Variants in ERBB4 observed in about 807,000 individuals in gnomAD.
The protein encoded by ERBB4 is receptor tyrosine-protein kinase erbB-4.
A neutral mutation model predicts 158.0 loss-of-function variants in ERBB4; 42 were observed. That is an observed-to-expected ratio of 0.27 (90% confidence interval 0.21 to 0.34). ERBB4 has a LOEUF of 0.34. Among genes scored for constraint, ERBB4 ranks in the 10% least tolerant of loss-of-function variants. ERBB4 has a pLI of 1.00. For missense variants in ERBB4, 1,333 were observed against 1,624.1 expected, an observed-to-expected ratio of 0.82 and a Z score of 3.08; for synonymous variants, 583 against 558.7, an observed-to-expected ratio of 1.04 and a Z score of -0.61.
At position 212,436,175 on chromosome 2, in the gene ERBB4, C is replaced by A. The variant is rs370839266; in HGVS notation, c.82+102274G>T. ...AGAATAAGTTTCTAGTCAACACTGT[C>A]AGCCATATAAACAGGACATGGTAAA... On this transcript the variant is annotated intron_variant, in intron 1 of 27. Transcript: ENST00000342788. Among the ~76,000 whole-genome samples, 12 of 152,056 alleles carry A rather than the reference C, an allele frequency of 7.9e-5. No homozygotes were observed. In the East Asian group the frequency reaches 1.7e-3, roughly 22 times the overall value.
intron 16 of ERBB4, among the ~76,000 whole-genome samples, chr2:211,652,144 T>C (rs1487835004): frequency 6.6e-6 from 1 of 152,162 alleles, no homozygotes; most frequent in Non-Finnish European, 1.5e-5. Context: ...ACTTTAACTG[T>C]ATGAACAGTA....
Position 212,201,859 on chromosome 2 carries a change from G to A in ERBB4, c.83-76956C>T, listed in dbSNP as rs528254396. Among the ~76,000 whole-genome samples the A allele has an allele frequency of 2.6e-5, 4 of 152,212 alleles. No homozygotes were observed. In the South Asian group the frequency reaches 8.3e-4, roughly 32 times the overall value. ...AACTGCCATGACTACCATAAGCTTA[G>A]TCATATAGCCCTACTATTATTCCTT... On this transcript the variant is annotated intron_variant, in intron 1 of 27. Coordinates refer to ENST00000342788, the MANE Select transcript of ERBB4 (RefSeq NM_005235.3).
chr2:211,771,065 A>G (rs1309201950), intron 4 of ERBB4, among the ~76,000 whole-genome samples: 1 of 152,188 alleles, frequency 6.6e-6, no homozygotes, highest in African/African-American at 2.4e-5. Context: ...ACCATCATAG[A>G]AATCTTATGC....
At chr2:211,971,636 T>C (rs2081455770) in intron 2 of ERBB4, among the ~76,000 whole-genome samples, 1 of 152,154 alleles carries the variant, frequency 6.6e-6, no homozygotes, top group African/African-American at 2.4e-5. Context: ...TTGATGTTCA[T>C]TCAAAAATCC....
intron 20 of ERBB4, among the ~76,000 whole-genome samples, chr2:211,558,097 A>G (rs7576111): frequency 0.32 from 47,997 of 152,000 alleles, 10,042 homozygotes; most frequent in African/African-American, 0.6. Context: ...AACACACACT[A>G]GGGCCTACCT....
chr2:211,405,322 A>T (rs1483625076), intron 25 of ERBB4, among the ~76,000 whole-genome samples: 1 of 152,154 alleles, frequency 6.6e-6, no homozygotes, highest in African/African-American at 2.4e-5. Flanking sequence ...ATAAAATTGT[A>T]TCTAATGCTC....
intron 3 of ERBB4, among the ~76,000 whole-genome samples, chr2:211,862,142 T>A (rs2078072249): frequency 1.3e-5 from 2 of 152,226 alleles, no homozygotes; most frequent in South Asian, 4.1e-4. Flanking sequence ...TTCAAGATTC[T>A]GATTGCATGA....
intron 1 of ERBB4, among the ~76,000 whole-genome samples, chr2:212,276,678 G>A (rs536867268): frequency 4.0e-5 from 6 of 151,832 alleles, no homozygotes; most frequent in East Asian, 1.9e-4. Flanking sequence ...AAATGTGCTC[G>A]CTATCAGATG....
chr2:212,165,126 A>T (rs543766676), intron 1 of ERBB4, among the ~76,000 whole-genome samples: 7 of 151,788 alleles, frequency 4.6e-5, no homozygotes, highest in Middle Eastern at 3.2e-3. Flanking sequence ...ACCCACCTGA[A>T]TTTTCCTATT....
At chr2:212,327,047 TC>T (rs947735056) in intron 1 of ERBB4, among the ~76,000 whole-genome samples, 10 of 150,750 alleles carry the variant, frequency 6.6e-5, no homozygotes, top group African/African-American at 2.4e-4. Flanking sequence ...AGCAATTAGC[TC>T]ATGGGTACAC....
chr2:211,689,594 AG>A (rs771537907), intron 12 of ERBB4, among the ~76,000 whole-genome samples: 23 of 152,336 alleles, frequency 1.5e-4, no homozygotes, highest in Non-Finnish European at 2.9e-4. Context: ...AAGAGTAAAA[AG>A]ATAGTTTAAC....
chr2:212,331,056 T>TTTTATA (rs1195085255), intron 1 of ERBB4, among the ~76,000 whole-genome samples: 1 of 25,270 alleles, frequency 4.0e-5, no homozygotes, highest in African/African-American at 6.4e-5. Context: ...TATTTGTAAT[T>TTTTATA]TGTATATATA....
At chr2:212,186,710 C>G (rs1442634508) in intron 1 of ERBB4, among the ~76,000 whole-genome samples, 2 of 151,890 alleles carry the variant, frequency 1.3e-5, no homozygotes, top group Non-Finnish European at 2.9e-5. Flanking sequence ...AATGAGCCAA[C>G]CAAATTTATA....
At chr2:212,219,322 T>C (rs1274718043) in intron 1 of ERBB4, among the ~76,000 whole-genome samples, 2 of 151,444 alleles carry the variant, frequency 1.3e-5, no homozygotes, top group Non-Finnish European at 3.0e-5. Context: ...TGTCTTTTTA[T>C]AGCAATCAAT....
chr2:211,775,895 GC>G (rs1172984147), intron 4 of ERBB4, among the ~76,000 whole-genome samples: 1 of 152,122 alleles, frequency 6.6e-6, no homozygotes, highest in African/African-American at 2.4e-5. Context: ...GTATACTTAT[GC>G]TTAATCTATA....
At chr2:212,081,576 G>C (rs1035458307) in intron 2 of ERBB4, among the ~76,000 whole-genome samples, 1 of 152,064 alleles carries the variant, frequency 6.6e-6, no homozygotes, top group Non-Finnish European at 1.5e-5. Context: ...TCCTGTGCTT[G>C]AGTCTAAATA....
At chr2:211,387,697 A>G (rs2062715357) in intron 26 of ERBB4, among the ~76,000 whole-genome samples, 1 of 152,230 alleles carries the variant, frequency 6.6e-6, no homozygotes, top group Non-Finnish European at 1.5e-5. Flanking sequence ...ATCCAGAAGC[A>G]TAATTTATGT....
chr2:212,139,498 A>C (rs2125601044), intron 1 of ERBB4, among the ~76,000 whole-genome samples: 1 of 152,150 alleles, frequency 6.6e-6, no homozygotes, highest in South Asian at 2.1e-4. Context: ...TAACAATAAT[A>C]GAAGTTCTAT....
chr2:211,719,199 T>C (rs920107909), intron 7 of ERBB4, among the ~76,000 whole-genome samples: 1 of 152,224 alleles, frequency 6.6e-6, no homozygotes. Flanking sequence ...TAAAAACATT[T>C]TCATTGTCAC....
Sources: allele counts gnomAD v4.1 joint callset (sites outside exome capture counted in the v4.1 genomes callset), GRCh38; gene constraint gnomAD v4.1.1; transcripts MANE v1.5; gene names NCBI Gene and HGNC (gene_info 2026-07-23, HGNC 2026-07-21).